Variants in EPB41L5 observed in about 807,000 individuals in gnomAD.
The protein encoded by EPB41L5 is erythrocyte membrane protein band 4.1 like 5.
In EPB41L5, 55 loss-of-function variants were observed where a neutral mutation model predicts 106.6. The ratio of observed to expected loss-of-function variants is 0.52; its 90% confidence interval spans 0.42 to 0.65. The LOEUF (loss-of-function observed/expected upper bound fraction) is 0.65. Among genes scored for constraint, EPB41L5 ranks in the 30% least tolerant of loss-of-function variants. The pLI is 0.00. For synonymous variants in EPB41L5, 297 were observed against 306.7 expected, an observed-to-expected ratio of 0.97 and a Z score of 0.33; for missense variants, 871 against 882.1, an observed-to-expected ratio of 0.99 and a Z score of 0.16.
intron 14 of EPB41L5, among the ~76,000 whole-genome samples, chr2:120,096,666 T>A (rs913152219): frequency 3.3e-5 from 5 of 152,106 alleles, no homozygotes; most frequent in Admixed American, 3.3e-4. Context: ...GGTGCGCGCC[T>A]GTAATCCCAG....
rs763136332 is a variant in EPB41L5 at position 120,146,285 on chromosome 2, A to G, written c.1789A>G (p.Asn597Asp). The G allele has an allele frequency of 5.6e-6, 9 of 1,607,882 alleles. No homozygotes were observed. The South Asian group carries it at 9.9e-5, about 18-fold the overall frequency. Reference sequence around the variant, plus strand: ...TGCCAATGTTCAGGATGCTGCCACAAACAGGTACAGTTCTGGGTAGACTGA... The same window carrying G: ...TGCCAATGTTCAGGATGCTGCCACAGACAGGTACAGTTCTGGGTAGACTGA... ...KNANVQDAAT[N>D]SAVLNENNVP... The change falls in exon 20 of 25, where the codon AAC becomes GAC. Residue 597 changes from asparagine to aspartate, a missense_variant. Asn to Asp is a conservative substitution (Grantham distance 23). Coordinates refer to ENST00000263713, the MANE Select transcript of EPB41L5 (RefSeq NM_020909.4).
intron 3 of EPB41L5, among the ~76,000 whole-genome samples, chr2:120,046,226 C>T (rs1398645369): frequency 3.9e-5 from 6 of 152,130 alleles, no homozygotes. Context: ...CTTGAGGAAT[C>T]CCCACACTGT....
intron 14 of EPB41L5, among the ~76,000 whole-genome samples, chr2:120,098,008 T>C (rs1683868271): frequency 6.6e-6 from 1 of 152,192 alleles, no homozygotes. Flanking sequence ...GTCTAACTTC[T>C]GTACCAAGCA....
intron 14 of EPB41L5, 132 bp downstream of exon 14, chr2:120,093,408 AAATG>A (rs1276619231): frequency 1.3e-6 from 1 of 767,640 alleles, no homozygotes; most frequent in African/African-American, 1.7e-5. Context: ...GTCAGGGAAT[AAATG>A]AACATGTAAT....
chr2:120,104,376 T>A, intron 16 of EPB41L5: 1 of 1,393,860 alleles, frequency 7.2e-7, no homozygotes, highest in Non-Finnish European at 9.3e-7. Flanking sequence ...TCAGTGCTGT[T>A]TGTAATTGAA....
chr2:120,035,716 G>C (rs1048472456), intron 2 of EPB41L5, among the ~76,000 whole-genome samples: 1 of 152,140 alleles, frequency 6.6e-6, no homozygotes, highest in Admixed American at 6.6e-5. Flanking sequence ...ATTAGGAATA[G>C]TATTTGAAAC....
At chr2:120,066,879 A>G (rs2105299391) in intron 3 of EPB41L5, among the ~76,000 whole-genome samples, 1 of 152,294 alleles carries the variant, frequency 6.6e-6, no homozygotes, top group Admixed American at 6.5e-5. Context: ...TTAAGTCTGG[A>G]ATATTTGGAT....
intron 10 of EPB41L5, 92 bp from the exon 11 acceptor site, chr2:120,087,079 A>C (rs1335016195): frequency 4.2e-6 from 3 of 721,260 alleles, no homozygotes; most frequent in Non-Finnish European, 6.9e-6. Flanking sequence ...CAGGAGTTAG[A>C]TGGTTAAATG....
At chr2:120,120,589 CT>C (rs1017247097) in intron 16 of EPB41L5, among the ~76,000 whole-genome samples, 3 of 151,424 alleles carry the variant, frequency 2.0e-5, no homozygotes, top group Admixed American at 6.6e-5. Flanking sequence ...TAAACAGGTG[CT>C]TTTTTTAAAA....
intron 1 of EPB41L5, among the ~76,000 whole-genome samples, chr2:120,017,012 G>A (rs1435420073): frequency 6.6e-6 from 1 of 152,218 alleles, no homozygotes; most frequent in African/African-American, 2.4e-5. Flanking sequence ...TGTGTAAAAT[G>A]TGTAGGCTAA....
chr2:120,019,912 T>G (rs1574464583), intron 2 of EPB41L5, among the ~76,000 whole-genome samples: 1 of 62 alleles, frequency 0.016, no homozygotes, highest in South Asian at 0.5. Flanking sequence ...TTTGGATAGA[T>G]TTTTTTTTTT....
At chr2:120,157,807 A>G (rs917528616) in intron 20 of EPB41L5, among the ~76,000 whole-genome samples, 7 of 151,768 alleles carry the variant, frequency 4.6e-5, no homozygotes, top group Admixed American at 3.3e-4. Flanking sequence ...ACCACAAAAG[A>G]TCAATGAATC....
chr2:120,071,771 A>G (rs1167983000), intron 3 of EPB41L5, among the ~76,000 whole-genome samples: 3 of 152,212 alleles, frequency 2.0e-5, no homozygotes, highest in Non-Finnish European at 4.4e-5. Flanking sequence ...TTATACAGAA[A>G]TTAACTCAAG....
At chr2:120,068,597 C>G (rs752246612) in intron 3 of EPB41L5, among the ~76,000 whole-genome samples, 1 of 152,164 alleles carries the variant, frequency 6.6e-6, no homozygotes, top group African/African-American at 2.4e-5. Flanking sequence ...CCAGGAAGTT[C>G]GGACTGGGCA....
intron 16 of EPB41L5, among the ~76,000 whole-genome samples, chr2:120,119,550 T>A (rs1355536379): frequency 1.3e-5 from 2 of 152,112 alleles, no homozygotes; most frequent in Non-Finnish European, 2.9e-5. Flanking sequence ...AAGGAAGGGG[T>A]CCAGTTTCAG....
chr2:120,059,638 C>T (rs1476141008), intron 3 of EPB41L5, among the ~76,000 whole-genome samples: 1 of 152,132 alleles, frequency 6.6e-6, no homozygotes, highest in African/African-American at 2.4e-5. Flanking sequence ...CGCAGTGGCT[C>T]ACGCCTCTAA....
chr2:120,178,032 A>C lies in EPB41L5; in HGVS notation c.*3125A>C, dbSNP rs1367088563. ...TTTCTAAGTAAGAGTCTCGAGAAGCAGAGTTTTTGTCTTGTCATTGAGAGG... is the reference window on the plus strand; with the variant it reads ...TTTCTAAGTAAGAGTCTCGAGAAGCCGAGTTTTTGTCTTGTCATTGAGAGG... On this transcript the variant is annotated 3_prime_UTR_variant, in exon 25 of 25. Coordinates refer to ENST00000263713, the MANE Select transcript of EPB41L5 (RefSeq NM_020909.4). 3 of 152,362 alleles carry C rather than the reference A, an allele frequency of 2.0e-5. No individual in the cohort carries two copies. Among genetic ancestry groups the C allele is most frequent in the African/African-American group, 7.3e-5 (3 of 41,118 alleles). The allele number at this position is 152,362 out of a possible 1,614,324, so 9.4% of individuals were successfully genotyped here. A position where few individuals can be genotyped will look rare whatever the true frequency, so the allele number is the denominator to read the frequency against.
rs1685242324 is a variant in EPB41L5 at position 120,122,094 on chromosome 2, G to C, written c.1338-5594G>C. On this transcript the variant is annotated intron_variant, in intron 16 of 24. Transcript: ENST00000263713. ...ATATTAGCCCTTTGTCAGATGGGTA[G>C]ATTGCAAAAATGTTCTCCCATTCTG... Among the ~76,000 whole-genome samples, 3 of 152,174 alleles carry C rather than the reference G, an allele frequency of 2.0e-5. No homozygotes were observed. The South Asian group carries it at 6.2e-4, about 32-fold the overall frequency.
At chr2:120,139,874 A>T (rs1405782765) in intron 18 of EPB41L5, among the ~76,000 whole-genome samples, 1 of 152,122 alleles carries the variant, frequency 6.6e-6, no homozygotes, top group Admixed American at 6.6e-5. Flanking sequence ...TCCCATGTTT[A>T]TTGTGGCACT....
Sources: gnomAD v4.1 joint callset for allele counts (sites outside exome capture counted in the v4.1 genomes callset) on GRCh38, gnomAD v4.1.1 for gene constraint, MANE v1.5 for transcripts, NCBI Gene and HGNC (gene_info 2026-07-23, HGNC 2026-07-21) for gene names.